The following SAE1 variants were observed in gnomAD, a reference collection of about 807,000 sequenced individuals.
SAE1 encodes the protein SUMO1 activating enzyme subunit 1.
SAE1 carries 11 observed loss-of-function variants against 40.6 expected under a neutral mutation model. The observed-to-expected ratio is 0.27, with a 90% CI of 0.17 to 0.45. SAE1 has a LOEUF of 0.45. Ranked by LOEUF, SAE1 falls within the 20% of genes least tolerant of loss-of-function variation. The probability of loss-of-function intolerance (pLI) is 1.00; values close to 1 mark genes in which losing one functional copy is unlikely to be tolerated. For missense variants in SAE1, 373 were observed against 427.3 expected (o/e 0.87, Z 1.12); for synonymous variants, 155 against 154.3 (o/e 1.00, Z -0.03).
intron 1 of SAE1, among the ~76,000 whole-genome samples, chr19:47,136,497 T>G (rs1423822640): frequency 7.0e-6 from 1 of 143,174 alleles, no homozygotes; most frequent in African/African-American, 2.7e-5. Flanking sequence ...CCCGAGTCTT[T>G]TTTTTTTTTT....
At chr19:47,133,328 C>T (rs970133652) in intron 1 of SAE1, among the ~76,000 whole-genome samples, 4 of 152,214 alleles carry the variant, frequency 2.6e-5, no homozygotes, top group African/African-American at 7.2e-5. Context: ...CAGGTTCAAG[C>T]GATTCTCCTG....
intron 1 of SAE1, chr19:47,142,688 G>A (rs1277160215): frequency 6.6e-6 from 1 of 152,174 alleles, no homozygotes; most frequent in Non-Finnish European, 1.5e-5. Flanking sequence ...AACATGCCAA[G>A]CACTCCTGCT....
At chr19:47,187,296 C>T (rs1297422275) in intron 6 of SAE1, among the ~76,000 whole-genome samples, 1 of 152,170 alleles carries the variant, frequency 6.6e-6, no homozygotes, top group African/African-American at 2.4e-5. Context: ...GCACCCTAGC[C>T]CTCAGATGCA....
At chr19:47,142,504 A>C (rs772980623) in intron 1 of SAE1, 1 of 139,312 alleles carries the variant, frequency 7.2e-6, no homozygotes, top group African/African-American at 2.5e-5. Flanking sequence ...TTCTGCTGTC[A>C]TGCTAGTTTG....
intron 7 of SAE1, among the ~76,000 whole-genome samples, chr19:47,200,949 C>A (rs534117490): frequency 3.6e-4 from 55 of 151,966 alleles, no homozygotes; most frequent in Non-Finnish European, 6.2e-4. Context: ...CCTCCACCTC[C>A]CGGGTTCAAG....
At chr19:47,152,851 TCA>T (rs757435589) in intron 3 of SAE1, 45 bp from the exon 4 acceptor site, 1 of 1,591,536 alleles carries the variant, frequency 6.3e-7, no homozygotes, top group Non-Finnish European at 8.6e-7. Flanking sequence ...GGGCAGTGAT[TCA>T]CAGTTTGCAA....
chr19:47,152,800 A>T lies in SAE1; in HGVS notation c.385-98A>T, dbSNP rs1207683966. ...TACCAGTTTGAAACATGCTTTGAGCATGCCCAGAGAGACTGTTCATTAAGA... is the reference window on the plus strand; with the variant it reads ...TACCAGTTTGAAACATGCTTTGAGCTTGCCCAGAGAGACTGTTCATTAAGA... On this transcript the variant is annotated intron_variant, in intron 3 of 8. Transcript: ENST00000270225. 2.6e-5 allele frequency: 30 copies of T among 1,164,492 alleles called. 2 individuals carry two copies. In the South Asian group the frequency reaches 4.4e-4, roughly 17 times the overall value. The allele number at this position is 1,164,492 out of a possible 1,614,324, so 72.1% of individuals were successfully genotyped here.
intron 1 of SAE1, among the ~76,000 whole-genome samples, chr19:47,134,564 A>G (rs998492774): frequency 6.6e-6 from 1 of 152,010 alleles, no homozygotes; most frequent in African/African-American, 2.4e-5. Flanking sequence ...AAGAGGATTT[A>G]TGTGAGTTGG....
chr19:47,207,229 A>G (rs1334284350), intron 8 of SAE1, among the ~76,000 whole-genome samples: 1 of 152,230 alleles, frequency 6.6e-6, no homozygotes, highest in East Asian at 1.9e-4. Flanking sequence ...ACAAGATCCT[A>G]TCTCAAAAAA....
intron 1 of SAE1, 49 bp from the exon 2 acceptor site, chr19:47,143,445 T>G (rs1409003114): frequency 1.4e-6 from 2 of 1,455,910 alleles, no homozygotes; most frequent in Admixed American, 3.4e-5. Flanking sequence ...TCTGTGATTC[T>G]GCAAGCTCAC....
intron 6 of SAE1, among the ~76,000 whole-genome samples, chr19:47,172,218 T>G (rs1057046318): frequency 6.6e-6 from 1 of 152,252 alleles, no homozygotes; most frequent in African/African-American, 2.4e-5. Context: ...CACGCTCAGC[T>G]GGATGAACTA....
In SAE1 at chr19:47,155,205, G is replaced by A. The variant is rs1600164853; in HGVS notation, c.619G>A (p.Val207Ile). 1.2e-6 allele frequency: 2 copies of A among 1,612,078 alleles called. No homozygotes were observed. Among genetic ancestry groups the A allele is most frequent in the African/African-American group, 1.3e-5 (1 of 74,974 alleles). Residue 207 changes from valine to isoleucine, a missense_variant, in exon 5 of 9, where the codon GTC becomes ATC. Val to Ile is a conservative substitution (Grantham distance 29). Around this residue, in one of 3 missense-constraint regions of SAE1, gnomAD observed 351 missense variants for 390.6 expected, o/e 0.90. Transcript: ENST00000270225. Reference protein sequence around the residue: ...AKLDSSETTMVKKKVVFCPVK... With the variant: ...AKLDSSETTMIKKKVVFCPVK... ...ACTTGATTCTTCTGAGACAACGATG[G>A]TCAAAAAGGTATGTGTAACGTGGGG... is the stretch of plus-strand genomic sequence containing the variant.
intron 1 of SAE1, 126 bp from the exon 2 acceptor site, chr19:47,143,368 G>A: frequency 1.5e-6 from 1 of 681,334 alleles, no homozygotes; most frequent in Non-Finnish European, 2.6e-6. Flanking sequence ...GCCTCCTAAA[G>A]TGCTGGGATT....
intron 5 of SAE1, among the ~76,000 whole-genome samples, chr19:47,155,631 G>A (rs772995901): frequency 2.0e-4 from 30 of 151,816 alleles, no homozygotes; most frequent in Non-Finnish European, 3.5e-4. Flanking sequence ...TAGTAGAGAC[G>A]GGGTTTCACC....
At chr19:47,206,224 G>A (rs1658504146) in intron 8 of SAE1, among the ~76,000 whole-genome samples, 1 of 152,108 alleles carries the variant, frequency 6.6e-6, no homozygotes, top group Non-Finnish European at 1.5e-5. Flanking sequence ...TTCGTTGCTG[G>A]GTGTGTTTGG....
chr19:47,141,562 G>A (rs2058222271), intron 1 of SAE1, among the ~76,000 whole-genome samples: 1 of 152,242 alleles, frequency 6.6e-6, no homozygotes, highest in East Asian at 1.9e-4. Context: ...AGAGTTCGGG[G>A]AGGGGGAGTG....
chr19:47,167,433 A>G (rs993466931), intron 5 of SAE1, among the ~76,000 whole-genome samples: 16 of 147,452 alleles, frequency 1.1e-4, no homozygotes, highest in Non-Finnish European at 2.1e-4. Context: ...GTAGAGACGG[A>G]GTTTCGCCAT....
intron 1 of SAE1, among the ~76,000 whole-genome samples, chr19:47,132,769 T>G (rs1256087357): frequency 6.6e-6 from 1 of 151,510 alleles, no homozygotes; most frequent in Non-Finnish European, 1.5e-5. Flanking sequence ...AAGTTTATAG[T>G]CCCAGCTTGT....
rs750507984 is a variant in SAE1 at position 47,169,911 on chromosome 19, T to C, written c.721T>C (p.Phe241Leu). Residue 241 changes from phenylalanine (F) to leucine (L), a missense_variant, in exon 6 of 9, where the codon TTT (phenylalanine) becomes CTT (leucine). By Grantham distance (22) the Phe-to-Leu change is conservative (BLOSUM62 0). Transcript: ENST00000270225. The stretch of plus-strand genomic sequence containing the variant: ...TCTGAAGCGCACGACCTCCGACTAC[T>C]TTCTCCTTCAAGGTGAGGTCTCAAA... ...AALKRTTSDY[F>L]LLQVLLKFRT... The C allele has an allele frequency of 5.6e-6, 9 of 1,613,626 alleles. No homozygotes were observed. Among genetic ancestry groups the C allele is most frequent in the African/African-American group, 1.3e-5 (1 of 75,044 alleles).
Sources: allele counts gnomAD v4.1 joint callset (sites outside exome capture counted in the v4.1 genomes callset), GRCh38; gene constraint gnomAD v4.1.1; regional missense constraint gnomAD v4.1.1; transcripts MANE v1.5; gene names NCBI Gene and HGNC (gene_info 2026-07-23, HGNC 2026-07-21).